Variants in LYPLAL1 observed in about 807,000 individuals in gnomAD.
LYPLAL1 encodes lysophospholipase-like protein 1.
Under a neutral mutation model 19.7 loss-of-function variants are expected in LYPLAL1, and 23 were observed. That is an observed-to-expected ratio of 1.17 (90% CI 0.84 to 1.65). The LOEUF (loss-of-function observed/expected upper bound fraction) is 1.65. LYPLAL1 is among the 40% of genes most tolerant of loss of function. The pLI, the probability that LYPLAL1 is intolerant of heterozygous loss-of-function variation, is 0.00. For synonymous variants in LYPLAL1, 119 were observed against 96.3 expected (o/e 1.24, Z -1.38); for missense variants, 355 against 279.4 (o/e 1.27, Z -1.93).
rs1657982226 is a variant in LYPLAL1 at position 219,200,165 on chromosome 1, TGG to T, written c.361+6915_361+6916del. 4 of 238,960 alleles carry T rather than the reference TGG, an allele frequency of 1.7e-5. No homozygotes were observed. In the South Asian group the frequency reaches 2.3e-4, roughly 14 times the overall value. The allele number at this position is 238,960 out of a possible 1,614,324, so 14.8% of individuals were successfully genotyped here. On this transcript the variant is annotated intron_variant, in intron 3 of 4. Coordinates refer to ENST00000366928, the MANE Select transcript of LYPLAL1 (RefSeq NM_138794.5). ...AAACTCTTCTACATGCTTCTGGAAT[TGG>T]TATAGAGCTTCATGATGAATAAGAT...
the LYPLAL1 span, among the ~76,000 whole-genome samples, chr1:219,221,127 C>T: frequency 2.0e-5 from 3 of 152,284 alleles, no homozygotes; most frequent in South Asian, 4.1e-4. Flanking sequence ...TTTGCCAGAG[C>T]TGTGAGAACA....
At chr1:219,205,590 CTT>C (rs1300996234) in intron 3 of LYPLAL1, among the ~76,000 whole-genome samples, 2 of 151,952 alleles carry the variant, frequency 1.3e-5, no homozygotes, top group African/African-American at 4.8e-5. Context: ...GTACAAGAAA[CTT>C]TTGTACAAGA....
chr1:219,317,250 T>C, the LYPLAL1 span, among the ~76,000 whole-genome samples: 1 of 152,196 alleles, frequency 6.6e-6, no homozygotes, highest in African/African-American at 2.4e-5. Context: ...CCAAACTCCT[T>C]AGCATGTCAG....
At chr1:219,207,843 A>G (rs768045441) in intron 3 of LYPLAL1, among the ~76,000 whole-genome samples, 4 of 152,098 alleles carry the variant, frequency 2.6e-5, no homozygotes, top group Admixed American at 6.5e-5. Context: ...ATGACTTGTT[A>G]TGATTCCTTC....
At chr1:219,184,949 G>A (rs1656607678) in intron 2 of LYPLAL1, among the ~76,000 whole-genome samples, 1 of 151,650 alleles carries the variant, frequency 6.6e-6, no homozygotes. Context: ...AAAAGCATTG[G>A]GAAGGATTCC....
chr1:219,261,149 T>G, the LYPLAL1 span, among the ~76,000 whole-genome samples: 27 of 152,278 alleles, frequency 1.8e-4, no homozygotes, highest in African/African-American at 6.3e-4. Flanking sequence ...AAATAAGCTA[T>G]CATTAAACCT....
chr1:219,213,064 T>C (rs1659157310), downstream of LYPLAL1, among the ~76,000 whole-genome samples: 2 of 152,104 alleles, frequency 1.3e-5, no homozygotes, highest in Admixed American at 1.3e-4. Context: ...ATGACTCCTT[T>C]ATCCATTCAG....
chr1:219,174,029 C>T, intron 1 of LYPLAL1, 48 bp downstream of exon 1: 1 of 1,611,946 alleles, frequency 6.2e-7, no homozygotes, highest in South Asian at 1.1e-5. Flanking sequence ...GGGAAACATC[C>T]TCCCCTCGGT....
the LYPLAL1 span, among the ~76,000 whole-genome samples, chr1:219,256,680 A>G: frequency 1.8e-4 from 27 of 151,938 alleles, no homozygotes; most frequent in Non-Finnish European, 3.4e-4. Context: ...TCAGTCATTG[A>G]ATTTAAACCC....
chr1:219,415,889 C>T, the LYPLAL1 span, among the ~76,000 whole-genome samples: 2 of 152,202 alleles, frequency 1.3e-5, no homozygotes, highest in African/African-American at 4.8e-5. Flanking sequence ...CCTGTCACCG[C>T]ATGGTCTTCT....
the LYPLAL1 span, among the ~76,000 whole-genome samples, chr1:219,238,304 ATTTT>A: frequency 0.47 from 37,948 of 81,484 alleles, 8,688 homozygotes; most frequent in South Asian, 0.62. Context: ...CGCCCGGCTA[ATTTT>A]TTTTTTTTTT....
chr1:219,335,626 C>A, the LYPLAL1 span, among the ~76,000 whole-genome samples: 3 of 132,324 alleles, frequency 2.3e-5, no homozygotes, highest in African/African-American at 7.5e-5. Context: ...ACTAAAAACT[C>A]TTCCCTCTAG....
At chr1:219,198,546 A>G (rs1657804942) in intron 3 of LYPLAL1, 1 of 152,102 alleles carries the variant, frequency 6.6e-6, no homozygotes, top group Admixed American at 6.5e-5. Flanking sequence ...ATGAAAATAA[A>G]TTTAACATTC....
the LYPLAL1 span, among the ~76,000 whole-genome samples, chr1:219,291,533 G>T: frequency 3.4e-4 from 52 of 152,220 alleles, no homozygotes; most frequent in South Asian, 2.9e-3. Flanking sequence ...TGTTTCAGGG[G>T]TGTTAAGCCA....
the LYPLAL1 span, among the ~76,000 whole-genome samples, chr1:219,438,561 G>A: frequency 1.3e-5 from 2 of 152,186 alleles, no homozygotes; most frequent in East Asian, 1.9e-4. Flanking sequence ...TAGTCACATA[G>A]TGTTGCCAGG....
intron 3 of LYPLAL1, chr1:219,200,262 G>A: frequency 4.3e-6 from 1 of 232,430 alleles, no homozygotes. Context: ...ATGACCCCAT[G>A]TATTCTTCAC....
At chr1:219,365,204 A>C in the LYPLAL1 span, among the ~76,000 whole-genome samples, 1 of 152,126 alleles carries the variant, frequency 6.6e-6, no homozygotes, top group South Asian at 2.1e-4. Context: ...TGATTCTAGA[A>C]TCTTTTTTTT....
intron 3 of LYPLAL1, 193 bp downstream of exon 3, chr1:219,193,444 T>C (rs1489854571): frequency 2.9e-6 from 1 of 346,540 alleles, no homozygotes; most frequent in Admixed American, 4.7e-5. Context: ...CTTTAATTGA[T>C]TTTCTTTTTG....
At chr1:219,440,008 TATATACACACAC>T in the LYPLAL1 span, among the ~76,000 whole-genome samples, 1 of 102,556 alleles carries the variant, frequency 9.8e-6, no homozygotes, top group African/African-American at 3.9e-5. Flanking sequence ...TATATATATA[TATATACACACAC>T]ACACATATAT....
Sources: allele counts gnomAD v4.1 joint callset (sites outside exome capture counted in the v4.1 genomes callset), GRCh38; gene constraint gnomAD v4.1.1; transcripts MANE v1.5; gene names NCBI Gene and HGNC (gene_info 2026-07-23, HGNC 2026-07-21).